Variants in NELL1 observed in about 807,000 individuals in gnomAD.
NELL1 encodes protein kinase C-binding protein NELL1.
NELL1 carries 76 observed loss-of-function variants against 107.4 expected under a neutral mutation model. That is an observed-to-expected ratio of 0.71 (90% CI 0.59 to 0.86). NELL1 has a LOEUF of 0.86. Among genes scored for constraint, NELL1 ranks in the 40% least tolerant of loss-of-function variants. NELL1 has a pLI of 0.00. For missense variants in NELL1, 1,024 were observed against 1,005.5 expected, an observed-to-expected ratio of 1.02 and a Z score of -0.25; for synonymous variants, 353 against 341.2, an observed-to-expected ratio of 1.03 and a Z score of -0.38.
intron 14 of NELL1, among the ~76,000 whole-genome samples, chr11:21,281,002 C>A (rs1848980400): frequency 6.6e-6 from 1 of 151,702 alleles, no homozygotes; most frequent in Non-Finnish European, 1.5e-5. Context: ...CTTGCACCGT[C>A]CCTCCTCCAA....
chr11:20,975,753 A>G (rs1851600499), intron 12 of NELL1, among the ~76,000 whole-genome samples: 1 of 126,760 alleles, frequency 7.9e-6, no homozygotes, highest in Non-Finnish European at 1.6e-5. Flanking sequence ...TATATAATAT[A>G]CATATTATAT....
At chr11:20,707,603 C>A (rs1854999993) in intron 2 of NELL1, among the ~76,000 whole-genome samples, 1 of 152,212 alleles carries the variant, frequency 6.6e-6, no homozygotes, top group African/African-American at 2.4e-5. Context: ...GGACCCTCAG[C>A]TGCAGGTCTG....
chr11:21,352,740 C>A (rs887866104), intron 14 of NELL1, among the ~76,000 whole-genome samples: 1 of 152,120 alleles, frequency 6.6e-6, no homozygotes, highest in Non-Finnish European at 1.5e-5. Flanking sequence ...GCTTTTCTTA[C>A]GTGAGCTCTC....
intron 14 of NELL1, among the ~76,000 whole-genome samples, chr11:21,274,370 C>T (rs1188364244): frequency 6.6e-6 from 1 of 152,078 alleles, no homozygotes; most frequent in African/African-American, 2.4e-5. Context: ...ATATATGCAC[C>T]CAATACAGGA....
chr11:20,710,914 C>A (rs982238015), intron 2 of NELL1, among the ~76,000 whole-genome samples: 2 of 151,822 alleles, frequency 1.3e-5, no homozygotes, highest in African/African-American at 2.4e-5. Context: ...GATCTTCTCT[C>A]TTCTTTTCTT....
chr11:20,791,730 GTT>G (rs368213562), intron 3 of NELL1, among the ~76,000 whole-genome samples: 2 of 79,494 alleles, frequency 2.5e-5, no homozygotes, highest in African/African-American at 7.1e-5. Context: ...CAGTCTGGAG[GTT>G]TTTTTTTTTT....
chr11:20,710,315 T>G (rs1855080012), intron 2 of NELL1, among the ~76,000 whole-genome samples: 2 of 152,036 alleles, frequency 1.3e-5, no homozygotes, highest in South Asian at 4.1e-4. Context: ...TGATCATATA[T>G]TTGTTTCTAA....
chr11:21,269,175 A>G (rs1848691775), intron 14 of NELL1, among the ~76,000 whole-genome samples: 3 of 152,150 alleles, frequency 2.0e-5, no homozygotes, highest in Admixed American at 6.5e-5. Context: ...TGGGACCACC[A>G]TAGAATGTGT....
At chr11:20,812,799 G>A (rs372105344) in intron 3 of NELL1, among the ~76,000 whole-genome samples, 25 of 151,648 alleles carry the variant, frequency 1.6e-4, no homozygotes, top group African/African-American at 6.0e-4. Context: ...ACGAGGTCAG[G>A]AGATCGAGAC....
rs139211958 is a variant in NELL1, at chr11:21,394,621, A to C, written c.1645+23673A>C. ...TTCCAAAAAAAACATTATCTTAAGG[A>C]GGTGTGTATTGTATCTGGGTTAATT... is the stretch of plus-strand genomic sequence containing the variant. On this transcript the variant is annotated intron_variant, in intron 15 of 19. Transcript: ENST00000357134. Among the ~76,000 whole-genome samples the C allele has an allele frequency of 9.3e-3, 1,406 of 151,452 alleles. 19 individuals are homozygous for C. The highest frequency in any genetic ancestry group is 0.049 in the South Asian group (236 of 4,808).
intron 12 of NELL1, among the ~76,000 whole-genome samples, chr11:21,008,639 G>A (rs983521395): frequency 2.6e-5 from 4 of 152,066 alleles, no homozygotes; most frequent in Non-Finnish European, 5.9e-5. Context: ...GTGTGGGAGA[G>A]ATAATTATAG....
At chr11:21,414,066 A>G (rs1251293217) in intron 15 of NELL1, among the ~76,000 whole-genome samples, 1 of 152,060 alleles carries the variant, frequency 6.6e-6, no homozygotes, top group Non-Finnish European at 1.5e-5. Flanking sequence ...AAGACTAGGG[A>G]GAAAGGAATT....
intron 2 of NELL1, among the ~76,000 whole-genome samples, chr11:20,683,474 C>T (rs547875580): frequency 4.1e-4 from 62 of 152,090 alleles, no homozygotes; most frequent in African/African-American, 1.4e-3. Context: ...CCCACTCTCC[C>T]GCTGGAAGTA....
intron 8 of NELL1, among the ~76,000 whole-genome samples, chr11:20,928,056 G>A (rs1051184387): frequency 3.9e-5 from 6 of 152,186 alleles, no homozygotes; most frequent in Non-Finnish European, 7.3e-5. Context: ...GATTGTTAGA[G>A]CCTCAGAAAT....
In NELL1 at chr11:21,404,008, C is replaced by T. The variant is rs933726412; in HGVS notation, c.1645+33060C>T. On this transcript the variant is annotated intron_variant, in intron 15 of 19. Coordinates refer to ENST00000357134, the MANE Select transcript of NELL1 (RefSeq NM_006157.5). Reference sequence around the variant, plus strand: ...AAAATATCTCTGTCATTCCTGAACCCCCCCCCCCGCAATCAAAACCACTGG... The same window carrying T: ...AAAATATCTCTGTCATTCCTGAACCTCCCCCCCCGCAATCAAAACCACTGG... Among the ~76,000 whole-genome samples the T allele has an allele frequency of 4.0e-5, 4 of 99,652 alleles. No homozygotes were observed. In the South Asian group the frequency reaches 2.1e-3, roughly 54 times the overall value. 65.4% of individuals were successfully genotyped at this position (99,652 alleles called of 152,430 possible). A position where few individuals can be genotyped will look rare whatever the true frequency, so the allele number is the denominator to read the frequency against.
At chr11:20,812,584 T>G (rs1402014502) in intron 3 of NELL1, among the ~76,000 whole-genome samples, 1 of 152,232 alleles carries the variant, frequency 6.6e-6, no homozygotes, top group East Asian at 1.9e-4. Context: ...ATGGTTATTT[T>G]TAGAGAGAGC....
chr11:21,243,343 G>A (rs913345054), intron 14 of NELL1, among the ~76,000 whole-genome samples: 4 of 151,982 alleles, frequency 2.6e-5, no homozygotes, highest in Non-Finnish European at 4.4e-5. Context: ...AGCATAGGCC[G>A]TTTTTGCACA....
rs1590394167 is a variant in NELL1, at chr11:20,898,675, T to G, written c.603+13135T>G. 2.6e-5 allele frequency among the ~76,000 whole-genome samples: 4 copies of G among 152,128 alleles called. No individual in the cohort carries two copies. In the South Asian group the frequency reaches 6.2e-4, roughly 24 times the overall value. On this transcript the variant is annotated intron_variant, in intron 5 of 19. Coordinates refer to ENST00000357134, the MANE Select transcript of NELL1 (RefSeq NM_006157.5). ...GGACTAAGATGCTATTTCACTGTGG[T>G]TTTAATTTGCATTTCCCTGATAATT...
intron 14 of NELL1, among the ~76,000 whole-genome samples, chr11:21,231,531 C>T (rs1049482600): frequency 6.6e-6 from 1 of 152,168 alleles, no homozygotes; most frequent in African/African-American, 2.4e-5. Flanking sequence ...TACCTGCATG[C>T]TAGTGCTATA....
Sources: gnomAD v4.1 joint callset for allele counts (sites outside exome capture counted in the v4.1 genomes callset) on GRCh38, gnomAD v4.1.1 for gene constraint, MANE v1.5 for transcripts, NCBI Gene and HGNC (gene_info 2026-07-23, HGNC 2026-07-21) for gene names.